The following GSDMB variants were observed in gnomAD, a reference collection of about 807,000 sequenced individuals.
GSDMB encodes gasdermin-B.
Under a neutral mutation model 42.9 loss-of-function variants are expected in GSDMB, and 32 were observed. That is an observed-to-expected ratio of 0.75 (90% CI 0.56 to 1.00). GSDMB has a LOEUF of 1.00. GSDMB is among the 50% of genes least tolerant of loss of function. The pLI is 0.00. For synonymous variants in GSDMB, 175 were observed against 193.7 expected, an observed-to-expected ratio of 0.90 and a Z score of 0.80; for missense variants, 468 against 498.5, an observed-to-expected ratio of 0.94 and a Z score of 0.58.
chr17:39,905,896 C>CAG lies in GSDMB; in HGVS notation c.977_978insCT (p.Leu326PhefsTer3). 1 of 1,614,072 alleles carries CAG rather than the reference C, an allele frequency of 6.2e-7. No homozygotes were observed. Among genetic ancestry groups the CAG allele is most frequent in the Non-Finnish European group, 8.5e-7 (1 of 1,180,002 alleles). On this transcript the variant is annotated frameshift_variant, in exon 9 of 11. Transcript: ENST00000418519. LOFTEE classifies it high-confidence loss of function. ...GAATGGCTTTTGCACGCGCTTCTACCAAGACCCCAGCAGCATTAAAAAGGC... is the reference window on the plus strand; with the variant it reads ...GAATGGCTTTTGCACGCGCTTCTACCAGAAGACCCCAGCAGCATTAAAAAGGC...
chr17:39,908,324 C>A lies in GSDMB; in HGVS notation c.662-110G>T, dbSNP rs1420206254. On this transcript the variant is annotated intron_variant, in intron 5 of 10. Coordinates refer to ENST00000418519, the MANE Select transcript of GSDMB (RefSeq NM_001165958.2). ...CTCAATCCCTATACCAGCCTCCAAT[C>A]AAAAAAAAAAAAAAAAAAAGACAAC... is the stretch of plus-strand genomic sequence containing the variant. 244 of 245,532 alleles carry A rather than the reference C, an allele frequency of 9.9e-4. No individual in the cohort carries two copies. The highest frequency in any genetic ancestry group is 3.1e-3 in the South Asian group (44 of 14,324). 15.2% of individuals were successfully genotyped at this position (245,532 alleles called of 1,614,324 possible).
At chr17:39,906,512 C>T (rs934509002) in intron 7 of GSDMB, 1 of 1,332,374 alleles carries the variant, frequency 7.5e-7, no homozygotes, top group Non-Finnish European at 9.7e-7. Context: ...ACCCCAAATT[C>T]TTCTCCACTT....
At chr17:39,906,721 A>G (rs962172120) in intron 7 of GSDMB, 1 of 1,254,854 alleles carries the variant, frequency 8.0e-7, no homozygotes, top group Non-Finnish European at 1.0e-6. Context: ...GTTTCTGGAG[A>G]CGGGACTCAG....
chr17:39,916,404 T>C (rs2063711994), intron 2 of GSDMB, among the ~76,000 whole-genome samples: 1 of 149,836 alleles, frequency 6.7e-6, no homozygotes, highest in Non-Finnish European at 1.5e-5. Flanking sequence ...TGCCTCAGCC[T>C]CCTGAGTAGC....
rs1306144076 is a variant in GSDMB at position 39,907,164 on chromosome 17, T to C, written c.701-177A>G. 3.5e-6 allele frequency: 5 copies of C among 1,431,538 alleles called. No individual in the cohort carries two copies. The East Asian group carries it at 1.0e-4, about 29-fold the overall frequency. 88.7% of individuals were successfully genotyped at this position (1,431,538 alleles called of 1,614,324 possible). A position where few individuals can be genotyped will look rare whatever the true frequency, so the allele number is the denominator to read the frequency against. ...GGGAAAGCACTGTATTTGCAGACCC[T>C]TCCCACATCCTCAAAAACAGGCAGT... On this transcript the variant is annotated intron_variant, in intron 6 of 10. Coordinates refer to ENST00000418519, the MANE Select transcript of GSDMB (RefSeq NM_001165958.2).
intron 3 of GSDMB, among the ~76,000 whole-genome samples, chr17:39,911,104 C>T (rs1440192946): frequency 6.6e-6 from 1 of 152,074 alleles, no homozygotes; most frequent in East Asian, 1.9e-4. Flanking sequence ...GAGTTCGAGA[C>T]CAGATCTCTC....
At chr17:39,912,159 G>A (rs922184586) in intron 3 of GSDMB, among the ~76,000 whole-genome samples, 167 bp downstream of exon 3, 3 of 152,084 alleles carry the variant, frequency 2.0e-5, no homozygotes, top group South Asian at 2.1e-4. Context: ...AGTAGAGAGC[G>A]AGAGGCTGCC....
At chr17:39,905,333 A>G in intron 10 of GSDMB, 93 bp downstream of exon 10, 1 of 825,420 alleles carries the variant, frequency 1.2e-6, no homozygotes. Flanking sequence ...ACTATGGAAT[A>G]AGAAGGGGCT....
chr17:39,906,686 G>T, intron 7 of GSDMB: 1 of 1,052,224 alleles, frequency 9.5e-7, no homozygotes, highest in Non-Finnish European at 1.3e-6. Flanking sequence ...TGATGTCCAG[G>T]CCACACCCCC....
chr17:39,912,633 G>T lies in GSDMB; in HGVS notation c.236-136C>A, dbSNP rs2063633205. On this transcript the variant is annotated intron_variant, in intron 2 of 10. Coordinates refer to ENST00000418519, the MANE Select transcript of GSDMB (RefSeq NM_001165958.2). The stretch of plus-strand genomic sequence containing the variant: ...CCTTCTGAGGGAGCGCCACAGCTGT[G>T]GCTGTCCAGGAAATGCTGTTCTCAC... 2.6e-5 allele frequency: 18 copies of T among 685,174 alleles called. 2 individuals carry two copies. The South Asian group carries it at 3.0e-4, about 11-fold the overall frequency. 42.4% of individuals were successfully genotyped at this position (685,174 alleles called of 1,614,324 possible). A position where few individuals can be genotyped will look rare whatever the true frequency, so the allele number is the denominator to read the frequency against.
intron 5 of GSDMB, 59 bp downstream of exon 5, chr17:39,908,899 C>T: frequency 1.9e-6 from 2 of 1,076,506 alleles, no homozygotes; most frequent in Non-Finnish European, 1.4e-6. Context: ...GAATCCCACC[C>T]CCCACCTCAC....
intron 7 of GSDMB, chr17:39,906,506 C>T: frequency 7.6e-7 from 1 of 1,312,736 alleles, no homozygotes; most frequent in Non-Finnish European, 9.9e-7. Context: ...GTCCCAACCC[C>T]AAATTCTTCT....
chr17:39,908,896 A>AC (rs1418368250), intron 5 of GSDMB, 62 bp downstream of exon 5: 27 of 967,206 alleles, frequency 2.8e-5, no homozygotes, highest in Non-Finnish European at 2.5e-5. Flanking sequence ...GTTGAATCCC[A>AC]CCCCCCACCT....
chr17:39,906,997 G>A lies in GSDMB; in HGVS notation c.701-10C>T. Reference sequence around the variant, plus strand: ...GAAGCACCATCCTTCTCTGCAGAGAGAGGAAGAGTTATTTCAGAATCTTCA... The same window carrying A: ...GAAGCACCATCCTTCTCTGCAGAGAAAGGAAGAGTTATTTCAGAATCTTCA... On this transcript the variant is annotated splice_polypyrimidine_tract_variant and intron_variant, in intron 6 of 10. Transcript: ENST00000418519. 20 of 1,613,756 alleles carry A rather than the reference G, an allele frequency of 1.2e-5. No individual in the cohort carries two copies. Among genetic ancestry groups the A allele is most frequent in the Non-Finnish European group, 1.7e-5 (20 of 1,179,690 alleles).
intron 2 of GSDMB, among the ~76,000 whole-genome samples, chr17:39,913,603 C>T (rs572245014): frequency 2.8e-4 from 42 of 152,280 alleles, no homozygotes; most frequent in Admixed American, 7.8e-4. Flanking sequence ...TGGGCGACAG[C>T]GAGACTCCAT....
chr17:39,912,600 T>C (rs895210768), intron 2 of GSDMB, 103 bp from the exon 3 acceptor site: 9 of 831,082 alleles, frequency 1.1e-5, no homozygotes, highest in East Asian at 5.1e-5. Flanking sequence ...CGTGCCACCA[T>C]CCCCCTCCCT....
At chr17:39,911,421 C>A (rs756714632) in intron 3 of GSDMB, among the ~76,000 whole-genome samples, 7 of 151,982 alleles carry the variant, frequency 4.6e-5, no homozygotes, top group Non-Finnish European at 1.0e-4. Context: ...CTGAGCTACT[C>A]CTCAATCTCC....
chr17:39,916,017 C>T (rs1260201178), intron 2 of GSDMB, among the ~76,000 whole-genome samples: 2 of 152,146 alleles, frequency 1.3e-5, no homozygotes, highest in African/African-American at 4.8e-5. Flanking sequence ...GAGAGTTCAA[C>T]ACTTAACCCT....
chr17:39,916,592 C>T (rs1344825054), intron 2 of GSDMB, among the ~76,000 whole-genome samples: 2 of 151,962 alleles, frequency 1.3e-5, no homozygotes, highest in African/African-American at 4.8e-5. Flanking sequence ...ACCCATCCCT[C>T]ACTTGATTCT....
Sources: allele counts gnomAD v4.1 joint callset (sites outside exome capture counted in the v4.1 genomes callset), GRCh38; gene constraint gnomAD v4.1.1; transcripts MANE v1.5; gene names NCBI Gene and HGNC (gene_info 2026-07-23, HGNC 2026-07-21).